The following CCDC91 variants were observed in gnomAD, a reference collection of about 807,000 sequenced individuals.
CCDC91 encodes the protein coiled-coil domain containing 91, also known as coiled-coil domain-containing protein 91.
A neutral mutation model predicts 63.2 loss-of-function variants in CCDC91; 48 were observed. That is an observed-to-expected ratio of 0.76 (90% CI 0.60 to 0.97). CCDC91 has a LOEUF of 0.97. Among genes scored for constraint, CCDC91 ranks in the 50% least tolerant of loss-of-function variants. The pLI is 0.00. For missense variants in CCDC91, 500 were observed against 494.6 expected, an observed-to-expected ratio of 1.01 and a Z score of -0.10; for synonymous variants, 167 against 165.8, an observed-to-expected ratio of 1.01 and a Z score of -0.06.
At chr12:28,213,227 T>G (rs755125845) in intron 1 of CCDC91, among the ~76,000 whole-genome samples, 2 of 152,198 alleles carry the variant, frequency 1.3e-5, no homozygotes, top group African/African-American at 4.8e-5. Flanking sequence ...CCTGAGGAAG[T>G]TGGCATGCAA....
chr12:28,524,849 AT>A (rs566812201), intron 12 of CCDC91, among the ~76,000 whole-genome samples: 17 of 152,126 alleles, frequency 1.1e-4, no homozygotes, highest in South Asian at 4.1e-4. Flanking sequence ...CCAGGAATTT[AT>A]CCATCTCCTC....
intron 12 of CCDC91, among the ~76,000 whole-genome samples, chr12:28,545,814 T>TA (rs1425336055): frequency 6.6e-6 from 1 of 152,082 alleles, no homozygotes; most frequent in Non-Finnish European, 1.5e-5. Flanking sequence ...ATTACAGAAA[T>TA]ACTCCTTTTG....
chr12:28,334,401 A>G (rs1461004502), intron 6 of CCDC91, among the ~76,000 whole-genome samples: 1 of 152,200 alleles, frequency 6.6e-6, no homozygotes, highest in Non-Finnish European at 1.5e-5. Flanking sequence ...GCATTATATT[A>G]ATAGGTAAAA....
intron 1 of CCDC91, among the ~76,000 whole-genome samples, chr12:28,242,897 C>T (rs1305413810): frequency 6.6e-6 from 1 of 152,088 alleles, no homozygotes; most frequent in East Asian, 1.9e-4. Flanking sequence ...GCCTGCCCCC[C>T]TCTTGCTCCT....
At chr12:28,431,962 C>T (rs1393452620) in intron 8 of CCDC91, among the ~76,000 whole-genome samples, 1 of 151,900 alleles carries the variant, frequency 6.6e-6, no homozygotes, top group African/African-American at 2.4e-5. Context: ...TCCAGAAGGT[C>T]GTATATTTGG....
intron 7 of CCDC91, among the ~76,000 whole-genome samples, chr12:28,375,756 G>C (rs961732963): frequency 6.6e-6 from 1 of 151,796 alleles, no homozygotes; most frequent in African/African-American, 2.4e-5. Flanking sequence ...TCCTTTACTT[G>C]TTTAATTGGG....
chr12:28,379,031 C>T (rs560040066), intron 7 of CCDC91, among the ~76,000 whole-genome samples: 1 of 152,022 alleles, frequency 6.6e-6, no homozygotes, highest in Non-Finnish European at 1.5e-5. Flanking sequence ...AGATTTAAAG[C>T]TTGCCTTTAT....
At chr12:28,245,452 G>A (rs796180789) in intron 1 of CCDC91, among the ~76,000 whole-genome samples, 11 of 152,114 alleles carry the variant, frequency 7.2e-5, no homozygotes, top group African/African-American at 2.6e-4. Flanking sequence ...GATGGCAAAG[G>A]ATTTAAAAAA....
intron 8 of CCDC91, among the ~76,000 whole-genome samples, chr12:28,430,523 T>C (rs1948572380): frequency 6.6e-6 from 1 of 152,146 alleles, no homozygotes; most frequent in Non-Finnish European, 1.5e-5. Flanking sequence ...TTACATACTG[T>C]ATATATTAGA....
intron 1 of CCDC91, among the ~76,000 whole-genome samples, chr12:28,248,320 T>A (rs1945895194): frequency 6.6e-6 from 1 of 152,202 alleles, no homozygotes; most frequent in South Asian, 2.1e-4. Flanking sequence ...CTCTTGGCTA[T>A]GTAGATCTGG....
chr12:28,309,077 G>T (rs977974891), intron 6 of CCDC91, among the ~76,000 whole-genome samples: 1 of 151,992 alleles, frequency 6.6e-6, no homozygotes, highest in Non-Finnish European at 1.5e-5. Flanking sequence ...TTCTTTGCCT[G>T]TTGGAGGGGT....
chr12:28,275,847 A>G (rs1232402945), intron 3 of CCDC91, among the ~76,000 whole-genome samples: 3 of 152,214 alleles, frequency 2.0e-5, no homozygotes, highest in South Asian at 4.1e-4. Flanking sequence ...AATCCAGCAT[A>G]TAAACAGAAC....
At chr12:28,333,210 A>G (rs1207681891) in intron 6 of CCDC91, among the ~76,000 whole-genome samples, 4 of 151,378 alleles carry the variant, frequency 2.6e-5, no homozygotes, top group Admixed American at 2.6e-4. Context: ...CATGGCTAAC[A>G]TGGTGAAACC....
intron 12 of CCDC91, among the ~76,000 whole-genome samples, chr12:28,497,747 T>A (rs547390943): frequency 6.6e-6 from 1 of 151,708 alleles, no homozygotes; most frequent in Non-Finnish European, 1.5e-5. Context: ...ATTAATCATA[T>A]CTTCTTTGCC....
chr12:28,218,697 GTT>G (rs71438736), intron 1 of CCDC91, among the ~76,000 whole-genome samples: 1 of 126,836 alleles, frequency 7.9e-6, no homozygotes, highest in Admixed American at 7.7e-5. Flanking sequence ...CATTGCAGAT[GTT>G]TGTGTGTGTG....
intron 11 of CCDC91, among the ~76,000 whole-genome samples, 164 bp from the exon 12 acceptor site, chr12:28,483,887 CT>C (rs1951576241): frequency 6.6e-6 from 1 of 152,096 alleles, no homozygotes; most frequent in African/African-American, 2.4e-5. Context: ...TGTGAACTCT[CT>C]AACAGATCGC....
intron 3 of CCDC91, among the ~76,000 whole-genome samples, chr12:28,298,299 A>G (rs1356852776): frequency 1.3e-5 from 2 of 151,130 alleles, no homozygotes; most frequent in Non-Finnish European, 3.0e-5. Flanking sequence ...TCTGATTAGC[A>G]GGATGCCAGA....
chr12:28,461,542 A>G (rs1176290861), intron 11 of CCDC91, among the ~76,000 whole-genome samples: 1 of 152,068 alleles, frequency 6.6e-6, no homozygotes, highest in East Asian at 1.9e-4. Context: ...TTGTTGTTTT[A>G]TAAGCTTATA....
intron 1 of CCDC91, chr12:28,236,703 G>T (rs1404107806): frequency 6.6e-6 from 1 of 151,960 alleles, no homozygotes; most frequent in Non-Finnish European, 1.5e-5. Context: ...CACAATTTAG[G>T]ACCACGTAAA....
Sources: gnomAD v4.1 joint callset for allele counts (sites outside exome capture counted in the v4.1 genomes callset) on GRCh38, gnomAD v4.1.1 for gene constraint, MANE v1.5 for transcripts, NCBI Gene and HGNC (gene_info 2026-07-23, HGNC 2026-07-21) for gene names.